The following ANO3 variants were observed in gnomAD, a reference collection of about 807,000 sequenced individuals.
The protein encoded by ANO3 is anoctamin-3.
ANO3 carries 99 observed loss-of-function variants against 144.8 expected under a neutral mutation model. The observed-to-expected ratio is 0.68, with a 90% CI of 0.58 to 0.81. The LOEUF (loss-of-function observed/expected upper bound fraction) is 0.81, where lower values mean the gene tolerates loss of function less well. Ranked by LOEUF, ANO3 falls within the 30% of genes least tolerant of loss-of-function variation. The pLI, the probability that ANO3 is intolerant of heterozygous loss-of-function variation, is 0.00. For missense variants in ANO3, 905 were observed against 1,202.2 expected, an observed-to-expected ratio of 0.75 and a Z score of 3.66; for synonymous variants, 414 against 392.6, an observed-to-expected ratio of 1.05 and a Z score of -0.64.
At chr11:26,530,459 G>A (rs796452557) in intron 7 of ANO3, among the ~76,000 whole-genome samples, 133 of 124,054 alleles carry the variant, frequency 1.1e-3, no homozygotes, top group African/African-American at 3.8e-3. Flanking sequence ...CTATCTGTCT[G>A]TCTATCTATC....
intron 12 of ANO3, among the ~76,000 whole-genome samples, chr11:26,547,756 C>G (rs1849825420): frequency 6.6e-6 from 1 of 151,770 alleles, no homozygotes. Flanking sequence ...TGCAAACTAT[C>G]TTGAGTAATT....
chr11:26,522,045 G>A (rs1362307317), intron 6 of ANO3, among the ~76,000 whole-genome samples: 2 of 151,950 alleles, frequency 1.3e-5, no homozygotes, highest in East Asian at 1.9e-4. Context: ...TTAGCCGGGG[G>A]TAGTGGCGGG....
At chr11:26,443,389 G>A (rs1163764665) in intron 2 of ANO3, among the ~76,000 whole-genome samples, 2 of 151,928 alleles carry the variant, frequency 1.3e-5, no homozygotes, top group African/African-American at 4.8e-5. Flanking sequence ...ATCACTTGAG[G>A]CCAGGAGTTC....
At chr11:26,411,881 T>G (rs1425871029) in intron 1 of ANO3, among the ~76,000 whole-genome samples, 1 of 151,986 alleles carries the variant, frequency 6.6e-6, no homozygotes, top group East Asian at 1.9e-4. Flanking sequence ...CTCTAAATGT[T>G]ATAACTCCAT....
intron 23 of ANO3, among the ~76,000 whole-genome samples, chr11:26,646,629 A>G (rs527337247): frequency 4.3e-4 from 66 of 152,200 alleles, no homozygotes; most frequent in African/African-American, 1.5e-3. Flanking sequence ...TTCTCTGAAT[A>G]CTAGTGATTT....
At chr11:26,411,238 T>C (rs1312886739) in intron 1 of ANO3, among the ~76,000 whole-genome samples, 1 of 152,050 alleles carries the variant, frequency 6.6e-6, no homozygotes, top group East Asian at 1.9e-4. Context: ...GTTGTGGCTC[T>C]TGACTGTATG....
At chr11:26,516,541 ATGAT>A (rs1279123485) in intron 5 of ANO3, among the ~76,000 whole-genome samples, 2 of 151,942 alleles carry the variant, frequency 1.3e-5, no homozygotes, top group South Asian at 4.1e-4. Context: ...TAATTGGCTC[ATGAT>A]TGATTGTTCT....
intron 1 of ANO3, among the ~76,000 whole-genome samples, chr11:26,234,956 A>G (rs1024291388): frequency 4.1e-5 from 6 of 147,674 alleles, no homozygotes; most frequent in African/African-American, 1.2e-4. Flanking sequence ...GAGAAGGCTG[A>G]TTGATGTCTC....
chr11:26,407,568 C>A (rs1454794484), intron 1 of ANO3, among the ~76,000 whole-genome samples: 1 of 151,750 alleles, frequency 6.6e-6, no homozygotes, highest in Non-Finnish European at 1.5e-5. Flanking sequence ...CCATCATCTG[C>A]CCTCCTATAG....
At chr11:26,345,155 C>G (rs1358992887) in intron 1 of ANO3, among the ~76,000 whole-genome samples, 1 of 152,156 alleles carries the variant, frequency 6.6e-6, no homozygotes, top group African/African-American at 2.4e-5. Flanking sequence ...GGCAATCTCT[C>G]TCTTCTTCAG....
intron 3 of ANO3, among the ~76,000 whole-genome samples, chr11:26,461,491 C>T (rs574438078): frequency 6.6e-6 from 1 of 152,096 alleles, no homozygotes; most frequent in Non-Finnish European, 1.5e-5. Flanking sequence ...ATTCACTGAC[C>T]ACAAGACATA....
chr11:26,304,009 G>A (rs182399431), intron 1 of ANO3, among the ~76,000 whole-genome samples: 214 of 152,142 alleles, frequency 1.4e-3, no homozygotes, highest in African/African-American at 4.3e-3. Flanking sequence ...CATCGTGCAC[G>A]GCCAAAATTA....
At chr11:26,385,903 T>TATATATACATATA (rs58078292) in intron 1 of ANO3, among the ~76,000 whole-genome samples, 1 of 148,798 alleles carries the variant, frequency 6.7e-6, no homozygotes, top group African/African-American at 2.5e-5. Flanking sequence ...GTATATATAT[T>TATATATACATATA]TATATACATA....
intron 1 of ANO3, among the ~76,000 whole-genome samples, chr11:26,321,080 A>G (rs74489449): frequency 0.038 from 5,771 of 152,114 alleles, 379 homozygotes; most frequent in African/African-American, 0.13. Context: ...TTCTCCTTGG[A>G]CAATGTACTG....
chr11:26,606,143 T>C (rs1851929795), intron 17 of ANO3, among the ~76,000 whole-genome samples: 1 of 152,226 alleles, frequency 6.6e-6, no homozygotes, highest in Non-Finnish European at 1.5e-5. Flanking sequence ...TGTGTCTTTG[T>C]TCTCACTGGT....
chr11:26,298,516 T>C (rs1240900511), intron 1 of ANO3, among the ~76,000 whole-genome samples: 1 of 152,218 alleles, frequency 6.6e-6, no homozygotes. Flanking sequence ...TTTCAGGCCT[T>C]GTAGAGCTCG....
At chr11:26,648,012 G>T (rs1173064763) in intron 24 of ANO3, among the ~76,000 whole-genome samples, 156 bp downstream of exon 24, 1 of 152,074 alleles carries the variant, frequency 6.6e-6, no homozygotes, top group East Asian at 1.9e-4. Context: ...AAGGTAAAAA[G>T]GACAACAGTG....
chr11:26,245,014 T>TGCGCGC (rs1554928270), intron 1 of ANO3, among the ~76,000 whole-genome samples: 1 of 106,098 alleles, frequency 9.4e-6, no homozygotes, highest in African/African-American at 3.3e-5. Context: ...TGTGTGTGTG[T>TGCGCGC]GTGTGTGCAT....
intron 26 of ANO3, among the ~76,000 whole-genome samples, chr11:26,657,969 G>A (rs1364704470): frequency 6.6e-6 from 1 of 152,008 alleles, no homozygotes; most frequent in Non-Finnish European, 1.5e-5. Flanking sequence ...TTTTTAGCTC[G>A]ATATGATCCC....
Sources: allele counts gnomAD v4.1 joint callset (sites outside exome capture counted in the v4.1 genomes callset), GRCh38; gene constraint gnomAD v4.1.1; transcripts MANE v1.5; gene names NCBI Gene and HGNC (gene_info 2026-07-23, HGNC 2026-07-21).